Variants in LRRTM4 observed in about 807,000 individuals in gnomAD.
LRRTM4 encodes the protein leucine rich repeat transmembrane neuronal 4.
Under a neutral mutation model 47.6 loss-of-function variants are expected in LRRTM4, and 25 were observed. That is an observed-to-expected ratio of 0.53 (90% CI 0.38 to 0.73). The LOEUF (loss-of-function observed/expected upper bound fraction) is 0.73. LRRTM4 is among the 30% of genes least tolerant of loss of function. The probability of loss-of-function intolerance (pLI) is 0.00; values close to 1 mark genes in which losing one functional copy is unlikely to be tolerated. For synonymous variants in LRRTM4, 311 were observed against 269.5 expected (o/e 1.15, Z -1.51); for missense variants, 638 against 713.4 (o/e 0.89, Z 1.20).
intron 3 of LRRTM4, among the ~76,000 whole-genome samples, chr2:77,096,091 T>G (rs1670804446): frequency 6.6e-6 from 1 of 152,034 alleles, no homozygotes; most frequent in Non-Finnish European, 1.5e-5. Flanking sequence ...AACTGAATCT[T>G]TTTACAATGT....
intron 3 of LRRTM4, among the ~76,000 whole-genome samples, chr2:76,888,192 G>C (rs1335139119): frequency 2.0e-5 from 3 of 150,928 alleles, no homozygotes; most frequent in African/African-American, 7.3e-5. Flanking sequence ...AAATACTTTA[G>C]CTGTGAATGT....
intron 3 of LRRTM4, among the ~76,000 whole-genome samples, chr2:76,753,672 T>G (rs1329631286): frequency 6.6e-6 from 1 of 152,138 alleles, no homozygotes. Context: ...GCAGGGTAAT[T>G]ATAGAGGACT....
At chr2:77,188,511 G>T (rs1489059205) in intron 3 of LRRTM4, among the ~76,000 whole-genome samples, 1 of 151,980 alleles carries the variant, frequency 6.6e-6, no homozygotes, top group Non-Finnish European at 1.5e-5. Context: ...CCTTCTACAT[G>T]TATATTTCTG....
At chr2:77,263,594 A>T (rs577124246) in intron 3 of LRRTM4, among the ~76,000 whole-genome samples, 1 of 152,194 alleles carries the variant, frequency 6.6e-6, no homozygotes, top group Admixed American at 6.5e-5. Context: ...TGGGGAAAAC[A>T]CTCATACATT....
At chr2:77,351,587 A>T (rs1461754975) in intron 3 of LRRTM4, among the ~76,000 whole-genome samples, 1 of 148,594 alleles carries the variant, frequency 6.7e-6, no homozygotes, top group Admixed American at 6.7e-5. Context: ...GCAAAAATTA[A>T]CATGCTTTTG....
chr2:77,041,898 T>C (rs1189918577), intron 3 of LRRTM4, among the ~76,000 whole-genome samples: 1 of 138,780 alleles, frequency 7.2e-6, no homozygotes, highest in Non-Finnish European at 1.5e-5. Context: ...ATAATTTGTA[T>C]GAAAACACAA....
At chr2:77,159,747 T>C (rs1672659542) in intron 3 of LRRTM4, among the ~76,000 whole-genome samples, 1 of 151,956 alleles carries the variant, frequency 6.6e-6, no homozygotes, top group Non-Finnish European at 1.5e-5. Context: ...GCAGGCACAC[T>C]TAGGGAACTC....
intron 3 of LRRTM4, among the ~76,000 whole-genome samples, chr2:76,922,440 T>A (rs1333070916): frequency 6.6e-6 from 1 of 152,044 alleles, no homozygotes; most frequent in African/African-American, 2.4e-5. Flanking sequence ...ACTCACTTAC[T>A]GTCAGAATAG....
chr2:77,506,340 T>C (rs901998480), intron 3 of LRRTM4, among the ~76,000 whole-genome samples: 4 of 151,628 alleles, frequency 2.6e-5, no homozygotes, highest in African/African-American at 7.2e-5. Flanking sequence ...GATTAAGACA[T>C]AGTAAATATT....
chr2:77,241,332 T>C (rs1675259515), intron 3 of LRRTM4, among the ~76,000 whole-genome samples: 1 of 151,976 alleles, frequency 6.6e-6, no homozygotes, highest in Non-Finnish European at 1.5e-5. Flanking sequence ...AACAGACTTT[T>C]TGAGAAAAGG....
intron 3 of LRRTM4, among the ~76,000 whole-genome samples, chr2:77,186,081 T>A (rs1028293141): frequency 6.6e-6 from 1 of 152,248 alleles, no homozygotes; most frequent in African/African-American, 2.4e-5. Flanking sequence ...ATCTAATATA[T>A]TCATTGTTTT....
chr2:77,324,535 GAGA>G (rs3980218), intron 3 of LRRTM4, among the ~76,000 whole-genome samples: 25,418 of 151,832 alleles, frequency 0.17, 2,592 homozygotes, highest in East Asian at 0.41. Context: ...AAGGGTTTAG[GAGA>G]AGGACAACAG....
chr2:76,776,086 C>T (rs908531754), intron 3 of LRRTM4, among the ~76,000 whole-genome samples: 11 of 151,918 alleles, frequency 7.2e-5, no homozygotes, highest in Admixed American at 7.2e-4. Flanking sequence ...AGGACATGAA[C>T]TCATCATTTT....
At chr2:77,158,794 T>G (rs1672628903) in intron 3 of LRRTM4, among the ~76,000 whole-genome samples, 1 of 151,986 alleles carries the variant, frequency 6.6e-6, no homozygotes, top group Non-Finnish European at 1.5e-5. Context: ...TCGTTTTTTT[T>G]TCTATTAAGT....
intron 3 of LRRTM4, among the ~76,000 whole-genome samples, chr2:77,492,344 C>G (rs927196977): frequency 1.3e-5 from 2 of 152,092 alleles, no homozygotes; most frequent in Admixed American, 1.3e-4. Context: ...ACTGTCACCT[C>G]GAACTCCTGA....
chr2:77,424,566 C>A (rs1358161937), intron 3 of LRRTM4, among the ~76,000 whole-genome samples: 1 of 152,156 alleles, frequency 6.6e-6, no homozygotes, highest in Non-Finnish European at 1.5e-5. Flanking sequence ...CAATGGAATG[C>A]ATATTTTGCA....
intron 3 of LRRTM4, among the ~76,000 whole-genome samples, chr2:76,808,154 G>C (rs1214843989): frequency 6.6e-6 from 1 of 151,662 alleles, no homozygotes; most frequent in Non-Finnish European, 1.5e-5. Context: ...CTCAGTAGCA[G>C]GGATTACAGG....
intron 3 of LRRTM4, among the ~76,000 whole-genome samples, chr2:77,427,614 C>A (rs1675174481): frequency 6.6e-6 from 1 of 152,106 alleles, no homozygotes; most frequent in South Asian, 2.1e-4. Context: ...CCTTGTGAAG[C>A]AGTTATATAG....
At chr2:77,423,176 C>T (rs926102787) in intron 3 of LRRTM4, among the ~76,000 whole-genome samples, 1 of 152,012 alleles carries the variant, frequency 6.6e-6, no homozygotes, top group Admixed American at 6.6e-5. Flanking sequence ...GTTTAATTTA[C>T]TTTTCATCGC....
Sources: allele counts gnomAD v4.1 joint callset (sites outside exome capture counted in the v4.1 genomes callset), GRCh38; gene constraint gnomAD v4.1.1; transcripts MANE v1.5; gene names NCBI Gene and HGNC (gene_info 2026-07-23, HGNC 2026-07-21).